The following TPD52 variants were observed in gnomAD, a reference collection of about 807,000 sequenced individuals.
TPD52 encodes prostate and colon associated protein.
In TPD52, 17 loss-of-function variants were observed where a neutral mutation model predicts 31.3. The ratio of observed to expected loss-of-function variants is 0.54; its 90% CI spans 0.37 to 0.82. The LOEUF is 0.82. Ranked by LOEUF, TPD52 falls within the 40% of genes least tolerant of loss-of-function variation. TPD52 has a pLI of 0.00. For missense variants in TPD52, 212 were observed against 240.1 expected (o/e 0.88, Z 0.77); for synonymous variants, 83 against 89.6 (o/e 0.93, Z 0.42).
At chr8:80,074,839 T>C (rs1814331108) in intron 1 of TPD52, among the ~76,000 whole-genome samples, 3 of 152,014 alleles carry the variant, frequency 2.0e-5, no homozygotes. Context: ...GCAAGAACAG[T>C]AAAACCTTAG....
rs1398382383 is a variant in TPD52 at position 80,064,566 on chromosome 8, T to C, written c.47A>G (p.Glu16Gly). Residue 16 changes from glutamate to glycine, a missense_variant, in exon 2 of 8, where the codon GAG becomes GGG. Coordinates refer to ENST00000518937, the MANE Select transcript of TPD52 (RefSeq NM_001025253.3). ...CGTGGCAGCAACATCTTCTCCTTCC[T>C]CAGGGACTGGGTCTGTTCTCAGCAG... ...QGLLRTDPVP[E>G]EGEDVAATIS... The C allele has an allele frequency of 1.9e-6, 3 of 1,614,056 alleles. No individual in the cohort carries two copies. The Admixed American group carries it at 5.0e-5, about 27-fold the overall frequency.
chr8:80,111,472 C>A (rs922105219), intron 1 of TPD52, among the ~76,000 whole-genome samples: 1 of 151,750 alleles, frequency 6.6e-6, no homozygotes, highest in Non-Finnish European at 1.5e-5. Context: ...TAGGGAAAAA[C>A]CCCCATGTAC....
At chr8:80,156,978 C>CT (rs550611300) in intron 1 of TPD52, among the ~76,000 whole-genome samples, 14 of 152,106 alleles carry the variant, frequency 9.2e-5, no homozygotes, top group Middle Eastern at 3.4e-3. Flanking sequence ...GGAAGGCAAC[C>CT]AGAAAGGGAG....
intron 2 of TPD52, among the ~76,000 whole-genome samples, chr8:80,057,301 G>A (rs1022965383): frequency 1.6e-4 from 25 of 152,300 alleles, no homozygotes; most frequent in African/African-American, 5.5e-4. Flanking sequence ...ACTTCTCAAA[G>A]AACTTAATAC....
chr8:80,165,056 T>C (rs1222668466), intron 1 of TPD52, among the ~76,000 whole-genome samples: 1 of 151,910 alleles, frequency 6.6e-6, no homozygotes. Context: ...ATAGAAAAAT[T>C]GGCAAAAGAT....
At chr8:80,073,819 T>C (rs1164243855) in intron 1 of TPD52, among the ~76,000 whole-genome samples, 4 of 152,216 alleles carry the variant, frequency 2.6e-5, no homozygotes, top group Non-Finnish European at 2.9e-5. Context: ...TAAAGAAATA[T>C]GACTTCCATC....
Position 80,035,909 on chromosome 8 carries a change from T to C in TPD52, c.*2207A>G, listed in dbSNP as rs1809873210. 6.6e-6 allele frequency: 1 copy of C among 152,260 alleles called. No individual in the cohort carries two copies. Among genetic ancestry groups the C allele is most frequent in the East Asian group, 1.9e-4 (1 of 5,202 alleles). The allele number at this position is 152,260 out of a possible 1,614,324, so 9.4% of individuals were successfully genotyped here. Reference sequence around the variant, plus strand: ...CTATGTTTCTCATTCTTTAAATATCTGTGAATTCATAATATTGAATCTGCC... The same window carrying C: ...CTATGTTTCTCATTCTTTAAATATCCGTGAATTCATAATATTGAATCTGCC... On this transcript the variant is annotated 3_prime_UTR_variant, in exon 8 of 8. Transcript: ENST00000518937.
At chr8:80,041,012 G>C (rs1247644101) in intron 7 of TPD52, among the ~76,000 whole-genome samples, 3 of 152,182 alleles carry the variant, frequency 2.0e-5, no homozygotes, top group African/African-American at 7.2e-5. Flanking sequence ...GTAGGACTGT[G>C]TGTGTACAGT....
chr8:80,126,490 T>TG (rs1444737774), intron 1 of TPD52, among the ~76,000 whole-genome samples: 104 of 145,256 alleles, frequency 7.2e-4, no homozygotes, highest in African/African-American at 2.7e-3. Flanking sequence ...TTTTTTTTTT[T>TG]TTTTTTTTTG....
chr8:80,060,059 T>C (rs1812346681), intron 2 of TPD52, among the ~76,000 whole-genome samples: 1 of 142,080 alleles, frequency 7.0e-6, no homozygotes, highest in Non-Finnish European at 1.5e-5. Context: ...TCCAGCCACC[T>C]GGGTGACAGA....
rs869141433 is a variant in TPD52, at chr8:80,161,732, AT to A, written c.19+9692del. On this transcript the variant is annotated intron_variant, in intron 1 of 7. Transcript: ENST00000518937. The stretch of plus-strand genomic sequence containing the variant: ...CACATTTATATATATATATATATAT[AT>A]TTTTTTTTTTTTCTGAGACAGAGTC... Among the ~76,000 whole-genome samples, 719 of 72,500 alleles carry A rather than the reference AT, an allele frequency of 9.9e-3. 6 individuals carry two copies. The highest frequency in any genetic ancestry group is 0.025 in the African/African-American group (621 of 24,882). The allele number at this position is 72,500 out of a possible 152,430, so 47.6% of individuals were successfully genotyped here.
chr8:80,080,910 A>G (rs983499115), intron 1 of TPD52: 1 of 263,120 alleles, frequency 3.8e-6, no homozygotes, highest in African/African-American at 2.3e-5. Flanking sequence ...ACACCAGGGC[A>G]GACTTAATCT....
At chr8:80,064,950 G>T (rs1812957461) in intron 1 of TPD52, 1 of 420,090 alleles carries the variant, frequency 2.4e-6, no homozygotes. Context: ...TTAGATGAAA[G>T]ATTTTAGCTC....
At chr8:80,170,746 G>A (rs1812023480) in intron 1 of TPD52, among the ~76,000 whole-genome samples, 1 of 152,134 alleles carries the variant, frequency 6.6e-6, no homozygotes, top group Non-Finnish European at 1.5e-5. Context: ...TGCTCTATTT[G>A]GGGGTAATTT....
At chr8:80,031,979 C>A (rs1251385386), downstream of TPD52, among the ~76,000 whole-genome samples, 2 of 151,840 alleles carry the variant, frequency 1.3e-5, no homozygotes, top group Non-Finnish European at 2.9e-5. Context: ...ATGGTGAAAC[C>A]CTGTCTCTAC....
At chr8:80,052,006 A>G (rs1811431163) in intron 3 of TPD52, 1 of 176,870 alleles carries the variant, frequency 5.7e-6, no homozygotes, top group Admixed American at 6.1e-5. Flanking sequence ...AAATGAAATC[A>G]AATTCCTCAG....
intron 3 of TPD52, 122 bp from the exon 4 acceptor site, chr8:80,051,750 C>T: frequency 1.3e-6 from 1 of 754,936 alleles, no homozygotes. Context: ...AAACATTTTT[C>T]AGAACTTCTA....
intron 1 of TPD52, among the ~76,000 whole-genome samples, chr8:80,129,703 CTTTTTTT>C (rs5892709): frequency 3.1e-5 from 4 of 130,104 alleles, no homozygotes; most frequent in Admixed American, 1.6e-4. Context: ...ACTCTCATTT[CTTTTTTT>C]TTTTTTTTTT....
At chr8:80,082,198 A>G (rs1815370183) in intron 1 of TPD52, among the ~76,000 whole-genome samples, 1 of 152,026 alleles carries the variant, frequency 6.6e-6, no homozygotes, top group South Asian at 2.1e-4. Flanking sequence ...AATTTGGGCA[A>G]CTATAAATGT....
Sources: gnomAD v4.1 joint callset for allele counts (sites outside exome capture counted in the v4.1 genomes callset) on GRCh38, gnomAD v4.1.1 for gene constraint, MANE v1.5 for transcripts, NCBI Gene and HGNC (gene_info 2026-07-23, HGNC 2026-07-21) for gene names.